Variants in CCDC158 observed in about 807,000 individuals in gnomAD.
The protein encoded by CCDC158 is coiled-coil domain containing 158.
In CCDC158, 116 loss-of-function variants were observed where a neutral mutation model predicts 138.6. The observed-to-expected ratio is 0.84, with a 90% confidence interval of 0.72 to 0.98. CCDC158 has a LOEUF of 0.98. Among genes scored for constraint, CCDC158 ranks in the 50% least tolerant of loss-of-function variants. The probability of loss-of-function intolerance (pLI) is 0.00; values close to 1 mark genes in which losing one functional copy is unlikely to be tolerated. For missense variants in CCDC158, 1,265 were observed against 1,306.1 expected (o/e 0.97, Z 0.48); for synonymous variants, 436 against 442.4 (o/e 0.99, Z 0.18).
chr4:76,378,570 G>A (rs1203044910), intron 9 of CCDC158, among the ~76,000 whole-genome samples: 2 of 152,186 alleles, frequency 1.3e-5, no homozygotes, highest in African/African-American at 4.8e-5. Flanking sequence ...AACCGAGACT[G>A]TCCCAGGCAA....
chr4:76,326,100 A>G, intron 22 of CCDC158, 85 bp from the exon 23 acceptor site: 1 of 1,121,096 alleles, frequency 8.9e-7, no homozygotes, highest in Non-Finnish European at 1.3e-6. Flanking sequence ...AGCTTTCATG[A>G]GAAAATGTTC....
At chr4:76,371,661 G>A (rs953451606) in intron 9 of CCDC158, 125 bp from the exon 10 acceptor site, 15 of 1,140,566 alleles carry the variant, frequency 1.3e-5, no homozygotes, top group Non-Finnish European at 1.8e-5. Context: ...TGTGAGGCTG[G>A]GTGCAGTGGC....
At chr4:76,314,453 A>C (rs866756527) in intron 24 of CCDC158, among the ~76,000 whole-genome samples, 1 of 152,234 alleles carries the variant, frequency 6.6e-6, no homozygotes, top group Non-Finnish European at 1.5e-5. Flanking sequence ...TTTTGCTCCA[A>C]GAGCCACTGC....
rs931946910 is a variant in CCDC158, at chr4:76,357,406, G to T, written c.2141C>A (p.Thr714Lys). The change falls in exon 14 of 25, where the codon ACA becomes AAA. Residue 714 changes from threonine (T) to lysine (K), a missense_variant. By Grantham distance (78) the Thr-to-Lys change is moderately conservative (BLOSUM62 -1). Coordinates refer to ENST00000682701, the MANE Select transcript of CCDC158 (RefSeq NM_001394954.1). ...AQSELEQTRN[T>K]LKSMEGSDGH... ...ATCAGATCCTTCCATTGACTTTAATGTATTTCTTGTCTGTTCTAGTTCAGA... is the reference window on the plus strand; with the variant it reads ...ATCAGATCCTTCCATTGACTTTAATTTATTTCTTGTCTGTTCTAGTTCAGA... 1.3e-6 allele frequency: 2 copies of T among 1,589,980 alleles called. No homozygotes were observed. The highest frequency in any genetic ancestry group is 2.3e-5 in the East Asian group (1 of 44,212).
rs552289731 is a variant in CCDC158 at position 76,384,410 on chromosome 4, C to T, written c.404G>A (p.Arg135Lys). ...TAAATCCTCCTGGGACTGACTCTCCCTTCGTCTATGAAATAAATGAAAGAA... is the reference window on the plus strand; with the variant it reads ...TAAATCCTCCTGGGACTGACTCTCCTTTCGTCTATGAAATAAATGAAAGAA... ...ERDAMADIRRRESQSQEDLRN... is the reference protein window; with the variant it reads ...ERDAMADIRRKESQSQEDLRN... The change falls in exon 6 of 25, where the codon AGG becomes AAG. Residue 135 changes from arginine to lysine, a missense_variant. Arg to Lys is a conservative substitution (Grantham distance 26, BLOSUM62 2). Transcript: ENST00000682701. 2.8e-4 allele frequency: 451 copies of T among 1,606,558 alleles called. 2 individuals carry two copies. The South Asian group carries it at 4.6e-3, about 17-fold the overall frequency.
chr4:76,325,716 G>T, intron 23 of CCDC158, 141 bp downstream of exon 23: 1 of 571,940 alleles, frequency 1.7e-6, no homozygotes, highest in Non-Finnish European at 2.9e-6. Flanking sequence ...ATTTAAAAAA[G>T]ACCTGTTTAA....
chr4:76,411,643 G>T (rs1729307127), intron 2 of CCDC158, among the ~76,000 whole-genome samples: 1 of 152,130 alleles, frequency 6.6e-6, no homozygotes, highest in African/African-American at 2.4e-5. Flanking sequence ...TAGCAGGGAG[G>T]CAATATGGAA....
chr4:76,326,509 T>C (rs1276118915), intron 22 of CCDC158, among the ~76,000 whole-genome samples: 2 of 152,158 alleles, frequency 1.3e-5, no homozygotes, highest in Non-Finnish European at 2.9e-5. Context: ...TAGACTTCCA[T>C]AGATTCAAGC....
intron 8 of CCDC158, among the ~76,000 whole-genome samples, chr4:76,381,953 A>G (rs1299247736): frequency 1.3e-5 from 2 of 152,162 alleles, no homozygotes; most frequent in African/African-American, 4.8e-5. Flanking sequence ...AGTGCTGGGA[A>G]TATAGGCGTA....
intron 16 of CCDC158, chr4:76,352,525 C>G (rs955668030): frequency 1.3e-5 from 2 of 152,302 alleles, no homozygotes. Flanking sequence ...ATTATTGTAT[C>G]TAACCATAAA....
intron 2 of CCDC158, among the ~76,000 whole-genome samples, chr4:76,404,033 G>A (rs1728620131): frequency 6.6e-6 from 1 of 152,104 alleles, no homozygotes; most frequent in African/African-American, 2.4e-5. Flanking sequence ...ATGGGGTAAG[G>A]GTTTGAAGAA....
chr4:76,407,348 A>G (rs947636624), intron 2 of CCDC158: 17 of 152,150 alleles, frequency 1.1e-4, no homozygotes, highest in Admixed American at 3.3e-4. Flanking sequence ...GAGATATTCC[A>G]TAAAGAATTA....
intron 9 of CCDC158, among the ~76,000 whole-genome samples, chr4:76,377,051 A>G (rs980076384): frequency 1.3e-5 from 2 of 152,352 alleles, no homozygotes; most frequent in African/African-American, 4.8e-5. Flanking sequence ...TACAATGCCA[A>G]AGATTTAAAT....
intron 10 of CCDC158, 150 bp downstream of exon 10, chr4:76,371,267 A>G: frequency 1.3e-6 from 1 of 777,384 alleles, no homozygotes; most frequent in Non-Finnish European, 2.0e-6. Context: ...TTTATATGCA[A>G]AACTTGAATT....
intron 1 of CCDC158, among the ~76,000 whole-genome samples, chr4:76,412,740 G>C (rs1729389155): frequency 6.6e-6 from 1 of 152,110 alleles, no homozygotes; most frequent in Non-Finnish European, 1.5e-5. Flanking sequence ...GACAGAACGA[G>C]ACTCCATCTC....
chr4:76,383,774 G>C, intron 6 of CCDC158, 36 bp from the exon 7 acceptor site: 2 of 1,417,286 alleles, frequency 1.4e-6, no homozygotes, highest in Non-Finnish European at 2.0e-6. Context: ...TTAGTTACTG[G>C]TAAATATAAG....
chr4:76,344,840 G>T (rs913541508), intron 18 of CCDC158: 4 of 1,594,352 alleles, frequency 2.5e-6, no homozygotes, highest in Non-Finnish European at 3.4e-6. Flanking sequence ...AGGGTGAAGG[G>T]TCTATGACCA....
At chr4:76,329,541 G>T (rs552611095) in intron 21 of CCDC158, among the ~76,000 whole-genome samples, 2 of 152,110 alleles carry the variant, frequency 1.3e-5, no homozygotes, top group Non-Finnish European at 2.9e-5. Context: ...CCGAGATCAC[G>T]CCATTGCACT....
At chr4:76,374,432 G>A (rs17001862) in intron 9 of CCDC158, among the ~76,000 whole-genome samples, 4,476 of 152,242 alleles carry the variant, frequency 0.029, 219 homozygotes, top group African/African-American at 0.1. Context: ...ATGATCCGAG[G>A]GGCAATATGA....
Sources: gnomAD v4.1 joint callset for allele counts (sites outside exome capture counted in the v4.1 genomes callset) on GRCh38, gnomAD v4.1.1 for gene constraint, MANE v1.5 for transcripts, NCBI Gene and HGNC (gene_info 2026-07-23, HGNC 2026-07-21) for gene names.